The following LHFPL2 variants were observed in gnomAD, a reference collection of about 807,000 sequenced individuals.
The protein encoded by LHFPL2 is LHFPL tetraspan subfamily member 2 protein.
In LHFPL2, 7 loss-of-function variants were observed where a neutral mutation model predicts 17.5. The observed-to-expected ratio is 0.40, with a 90% CI of 0.23 to 0.75. LHFPL2 has a LOEUF of 0.75. LHFPL2 is among the 30% of genes least tolerant of loss of function. The pLI, the probability that LHFPL2 is intolerant of heterozygous loss-of-function variation, is 0.37. For missense variants in LHFPL2, 241 were observed against 294.8 expected (o/e 0.82, Z 1.34); for synonymous variants, 134 against 116.2 (o/e 1.15, Z -0.99).
intron 2 of LHFPL2, among the ~76,000 whole-genome samples, chr5:78,600,653 G>A (rs1046619129): frequency 7.2e-5 from 11 of 152,150 alleles, no homozygotes; most frequent in Non-Finnish European, 1.5e-4. Context: ...ACTTGAACCC[G>A]GGAGGTGGAG....
At chr5:78,579,223 T>C (rs956587435) in intron 2 of LHFPL2, among the ~76,000 whole-genome samples, 4 of 152,264 alleles carry the variant, frequency 2.6e-5, no homozygotes, top group South Asian at 2.1e-4. Flanking sequence ...CATTTCTCTA[T>C]ACTGGGAGTG....
Position 78,486,611 on chromosome 5 carries a change from G to A in LHFPL2, c.*2286C>T, listed in dbSNP as rs768501103. On this transcript the variant is annotated 3_prime_UTR_variant, in exon 5 of 5. Coordinates refer to ENST00000380345, the MANE Select transcript of LHFPL2 (RefSeq NM_005779.3). ...TAAGTCAGTGTTTAGGTAGTTTTTA[G>A]TGGTTTGGGGTTCTGTGTGTGTGCA... The A allele has an allele frequency of 6.6e-6, 1 of 152,260 alleles. No individual in the cohort carries two copies. Among genetic ancestry groups the A allele is most frequent in the African/African-American group, 2.4e-5 (1 of 41,446 alleles). 9.4% of individuals were successfully genotyped at this position (152,260 alleles called of 1,614,324 possible). A position where few individuals can be genotyped will look rare whatever the true frequency, so the allele number is the denominator to read the frequency against.
chr5:78,645,839 C>G (rs916316066), intron 1 of LHFPL2, among the ~76,000 whole-genome samples: 15 of 152,154 alleles, frequency 9.9e-5, no homozygotes, highest in African/African-American at 2.4e-4. Context: ...CCTCAGCCCC[C>G]CAAAGTGCTG....
intron 2 of LHFPL2, among the ~76,000 whole-genome samples, chr5:78,575,409 C>T (rs574641654): frequency 3.3e-5 from 5 of 152,026 alleles, no homozygotes; most frequent in African/African-American, 7.2e-5. Flanking sequence ...ATTAGCCGGG[C>T]GTGGTGGCAC....
chr5:78,502,415 G>T (rs137987547), intron 4 of LHFPL2, among the ~76,000 whole-genome samples: 7 of 152,298 alleles, frequency 4.6e-5, no homozygotes, highest in Non-Finnish European at 8.8e-5. Flanking sequence ...ACTCTAGAAC[G>T]TTGAAATACA....
intron 4 of LHFPL2, among the ~76,000 whole-genome samples, chr5:78,499,655 G>A (rs746533016): frequency 3.3e-5 from 5 of 152,222 alleles, no homozygotes; most frequent in East Asian, 1.9e-4. Flanking sequence ...GAGAGCAGGT[G>A]ATAAGGAACT....
chr5:78,541,093 T>A (rs1756099253), intron 3 of LHFPL2, among the ~76,000 whole-genome samples: 1 of 152,160 alleles, frequency 6.6e-6, no homozygotes, highest in African/African-American at 2.4e-5. Flanking sequence ...ACTTAGAAGA[T>A]AACTTGTCCC....
At chr5:78,592,260 G>A (rs1174121967) in intron 2 of LHFPL2, among the ~76,000 whole-genome samples, 3 of 152,202 alleles carry the variant, frequency 2.0e-5, no homozygotes, top group Non-Finnish European at 4.4e-5. Context: ...CGCTCAGGAA[G>A]GACAGAGAGC....
intron 3 of LHFPL2, among the ~76,000 whole-genome samples, chr5:78,557,587 G>C (rs374681937): frequency 4.6e-5 from 7 of 152,198 alleles, no homozygotes; most frequent in East Asian, 3.8e-4. Flanking sequence ...ACATGACCCT[G>C]AGTCAAAGTT....
At chr5:78,520,116 C>T (rs1008718279) in intron 3 of LHFPL2, among the ~76,000 whole-genome samples, 1 of 152,260 alleles carries the variant, frequency 6.6e-6, no homozygotes, top group South Asian at 2.1e-4. Flanking sequence ...CAGGTATAAT[C>T]GTAGGTACCA....
At position 78,645,668 on chromosome 5, in the gene LHFPL2, C is replaced by T. The variant is rs376203901; in HGVS notation, c.-350+2831G>A. ...TGCCGTCTCAGCTCGCTGTAACCTC[C>T]GCCACCCGGGTTCAAGCGATTCTCC... On this transcript the variant is annotated intron_variant, in intron 1 of 4. Coordinates refer to ENST00000380345, the MANE Select transcript of LHFPL2 (RefSeq NM_005779.3). Among the ~76,000 whole-genome samples the T allele has an allele frequency of 3.2e-4, 48 of 152,128 alleles. 1 individual carries two copies. Among genetic ancestry groups the T allele is most frequent in the African/African-American group, 1.1e-3 (45 of 41,464 alleles).
chr5:78,494,298 C>T (rs2112292856), intron 4 of LHFPL2: 2 of 903,656 alleles, frequency 2.2e-6, no homozygotes, highest in Non-Finnish European at 2.6e-6. Context: ...TGACACTGGC[C>T]AGCCACCAAA....
At chr5:78,547,378 C>G (rs1232118945) in intron 3 of LHFPL2, among the ~76,000 whole-genome samples, 1 of 152,186 alleles carries the variant, frequency 6.6e-6, no homozygotes, top group Non-Finnish European at 1.5e-5. Context: ...CATCAACTCC[C>G]CAAAAGCAAT....
At chr5:78,569,734 C>T (rs1157667808) in intron 2 of LHFPL2, among the ~76,000 whole-genome samples, 2 of 152,204 alleles carry the variant, frequency 1.3e-5, no homozygotes, top group African/African-American at 4.8e-5. Flanking sequence ...ACCCCAACAA[C>T]GCCGGCCCTG....
At chr5:78,601,160 T>G (rs1220301552) in intron 2 of LHFPL2, among the ~76,000 whole-genome samples, 1 of 152,160 alleles carries the variant, frequency 6.6e-6, no homozygotes, top group African/African-American at 2.4e-5. Context: ...AGTAGAACAA[T>G]TCCTACCATT....
intron 3 of LHFPL2, among the ~76,000 whole-genome samples, chr5:78,524,135 T>G (rs1755544460): frequency 6.6e-6 from 1 of 152,108 alleles, no homozygotes; most frequent in Non-Finnish European, 1.5e-5. Context: ...CAAGACTCGC[T>G]CCACACAGAA....
chr5:78,595,282 C>T (rs1743785884), intron 2 of LHFPL2, among the ~76,000 whole-genome samples: 1 of 152,230 alleles, frequency 6.6e-6, no homozygotes. Context: ...TCAACTATAA[C>T]AGCACAAACC....
chr5:78,561,307 G>A (rs1392513110), intron 3 of LHFPL2, among the ~76,000 whole-genome samples: 2 of 152,164 alleles, frequency 1.3e-5, no homozygotes, highest in African/African-American at 2.4e-5. Context: ...TACCTCAGTC[G>A]CACTAGTCAT....
At chr5:78,548,757 A>C (rs756040121) in intron 3 of LHFPL2, among the ~76,000 whole-genome samples, 2 of 152,176 alleles carry the variant, frequency 1.3e-5, no homozygotes, top group Non-Finnish European at 2.9e-5. Context: ...GCACCCTGGG[A>C]TTAAATGCCA....
Sources: allele counts gnomAD v4.1 joint callset (sites outside exome capture counted in the v4.1 genomes callset), GRCh38; gene constraint gnomAD v4.1.1; transcripts MANE v1.5; gene names NCBI Gene and HGNC (gene_info 2026-07-23, HGNC 2026-07-21).